Variants in PDE6A observed in about 807,000 individuals in gnomAD.
PDE6A encodes the protein rod cGMP-specific 3',5'-cyclic phosphodiesterase subunit alpha.
A neutral mutation model predicts 106.3 loss-of-function variants in PDE6A; 84 were observed. The ratio of observed to expected loss-of-function variants is 0.79; its 90% CI spans 0.66 to 0.95. The LOEUF (loss-of-function observed/expected upper bound fraction) is 0.95. Ranked by LOEUF, PDE6A falls within the 40% of genes least tolerant of loss-of-function variation. The pLI is 0.00. For missense variants in PDE6A, 1,052 were observed against 1,084.9 expected, an observed-to-expected ratio of 0.97 and a Z score of 0.43; for synonymous variants, 394 against 386.6, an observed-to-expected ratio of 1.02 and a Z score of -0.23.
At chr5:149,869,464 C>T (rs1483182160) in intron 17 of PDE6A, among the ~76,000 whole-genome samples, 1 of 151,784 alleles carries the variant, frequency 6.6e-6, no homozygotes, top group Non-Finnish European at 1.5e-5. Flanking sequence ...GTGGGTACAA[C>T]AGAAAATAGA....
At chr5:149,910,772 T>C (rs1022705254) in intron 6 of PDE6A, among the ~76,000 whole-genome samples, 3 of 151,412 alleles carry the variant, frequency 2.0e-5, no homozygotes, top group Admixed American at 6.6e-5. Context: ...TGAAGTCACC[T>C]ACATCAAAGT....
intron 1 of PDE6A, chr5:149,939,925 C>T (rs1249169069): frequency 6.8e-6 from 1 of 147,662 alleles, no homozygotes; most frequent in Admixed American, 6.7e-5. Context: ...CTGGCTGAAC[C>T]AACTAGTTAA....
chr5:149,867,525 G>C, intron 19 of PDE6A, 200 bp downstream of exon 19: 1 of 650,684 alleles, frequency 1.5e-6, no homozygotes, highest in South Asian at 1.7e-5. Flanking sequence ...CTAGGGTGAG[G>C]CTTGTGAATA....
At chr5:149,871,196 G>A (rs1317745036) in intron 17 of PDE6A, among the ~76,000 whole-genome samples, 3 of 152,304 alleles carry the variant, frequency 2.0e-5, no homozygotes, top group East Asian at 1.9e-4. Flanking sequence ...AGCCCCCATC[G>A]TGGGGTCATG....
At chr5:149,935,585 A>G (rs2113662623) in intron 1 of PDE6A, among the ~76,000 whole-genome samples, 1 of 152,316 alleles carries the variant, frequency 6.6e-6, no homozygotes, top group South Asian at 2.1e-4. Flanking sequence ...TGAAGCTCTG[A>G]GTGTATAGAG....
chr5:149,873,409 A>G (rs1561688365), intron 17 of PDE6A, among the ~76,000 whole-genome samples: 1 of 147,676 alleles, frequency 6.8e-6, no homozygotes, highest in Non-Finnish European at 1.5e-5. Flanking sequence ...TAGGCTCACT[A>G]CCTCCTCTAC....
intron 6 of PDE6A, among the ~76,000 whole-genome samples, chr5:149,909,435 A>G (rs553082352): frequency 7.1e-4 from 108 of 151,998 alleles, no homozygotes; most frequent in African/African-American, 2.4e-3. Flanking sequence ...GCTCTACGAG[A>G]CTCTTTTTTA....
At chr5:149,871,426 G>A (rs1448909958) in intron 17 of PDE6A, among the ~76,000 whole-genome samples, 1 of 152,176 alleles carries the variant, frequency 6.6e-6, no homozygotes, top group African/African-American at 2.4e-5. Flanking sequence ...ACTGAGGTCT[G>A]GGAGGTCAGG....
At chr5:149,867,385 A>C in intron 19 of PDE6A, 1 of 418,718 alleles carries the variant, frequency 2.4e-6, no homozygotes, top group Non-Finnish European at 4.5e-6. Context: ...GGGCAATCTA[A>C]GTGTTGGAGT....
intron 3 of PDE6A, among the ~76,000 whole-genome samples, chr5:149,933,243 TG>T (rs1429638624): frequency 6.6e-6 from 1 of 152,170 alleles, no homozygotes; most frequent in Non-Finnish European, 1.5e-5. Flanking sequence ...GCTGGGATTA[TG>T]GGCATGAGCC....
Position 149,869,726 on chromosome 5 carries a change from A to G in PDE6A, c.2136-1568T>C, listed in dbSNP as rs73267794. Among the ~76,000 whole-genome samples, 594 of 152,270 alleles carry G rather than the reference A, an allele frequency of 3.9e-3. 3 individuals are homozygous for G. The highest frequency in any genetic ancestry group is 0.013 in the African/African-American group (559 of 41,562). ...GCAGGACTAGTAGGATGGAGAAGGA[A>G]GAAAAGAGCAGGATGGAGGGGGATG... On this transcript the variant is annotated intron_variant, in intron 17 of 21. Transcript: ENST00000255266.
At chr5:149,909,728 T>C (rs1413074080) in intron 6 of PDE6A, among the ~76,000 whole-genome samples, 1 of 152,242 alleles carries the variant, frequency 6.6e-6, no homozygotes, top group African/African-American at 2.4e-5. Context: ...TTTCACTGCA[T>C]CACACAGGTT....
At chr5:149,877,559 A>C (rs1561695634) in intron 17 of PDE6A, among the ~76,000 whole-genome samples, 2 of 152,024 alleles carry the variant, frequency 1.3e-5, no homozygotes, top group Non-Finnish European at 2.9e-5. Flanking sequence ...ACAGGCACGC[A>C]CCACAATGCC....
chr5:149,895,646 A>G (rs1405121771), intron 12 of PDE6A, among the ~76,000 whole-genome samples: 1 of 151,706 alleles, frequency 6.6e-6, no homozygotes, highest in Non-Finnish European at 1.5e-5. Context: ...AAAAAAAAAC[A>G]AAAACAAAAG....
In PDE6A at chr5:149,921,648, G is replaced by A; in HGVS notation, c.920C>T (p.Thr307Ile). The change falls in exon 5 of 22, where the codon ACT (threonine) becomes ATT (isoleucine). Residue 307 changes from threonine to isoleucine, a missense_variant. By Grantham distance (89) the Thr-to-Ile change is moderately conservative. Around this residue, in one of 3 missense-constraint regions of PDE6A, gnomAD observed 913 missense variants for 915.2 expected, o/e 1.00. Coordinates refer to ENST00000255266, the MANE Select transcript of PDE6A (RefSeq NM_000440.3). ...GAGAGAACGTACTCTTCCATCCGGA[G>A]TCCTGGGACCAGAGTAAGGTGGAAC... ...GEVPPYSGPR[T>I]PDGREINFYK... 6.8e-6 allele frequency: 11 copies of A among 1,613,282 alleles called. No homozygotes were observed. Among genetic ancestry groups the A allele is most frequent in the Non-Finnish European group, 9.3e-6 (11 of 1,179,254 alleles).
chr5:149,923,422 C>T (rs959349730), intron 4 of PDE6A, among the ~76,000 whole-genome samples: 11 of 152,052 alleles, frequency 7.2e-5, no homozygotes, highest in Admixed American at 2.6e-4. Flanking sequence ...CACTTGAACC[C>T]GGGAGGGGGA....
chr5:149,914,979 T>C lies in PDE6A; in HGVS notation c.962A>G (p.Tyr321Cys). ...GATGTCCTCTTTGCCATGCAGGATG[T>C]AGTCAATGACCTTGTAAAAGTTAAT... ...REINFYKVID[Y>C]ILHGKEDIKV... Residue 321 changes from tyrosine to cysteine, a missense_variant, in exon 6 of 22, where the codon TAC becomes TGC. Tyr to Cys is a radical substitution (Grantham distance 194, BLOSUM62 -2). Transcript: ENST00000255266. The C allele has an allele frequency of 6.2e-7, 1 of 1,610,368 alleles. No homozygotes were observed. The highest frequency in any genetic ancestry group is 8.5e-7 in the Non-Finnish European group (1 of 1,176,852).
chr5:149,923,503 AATAACATAACATAACATAAC>A (rs70973555), intron 4 of PDE6A, among the ~76,000 whole-genome samples: 38,844 of 136,988 alleles, frequency 0.28, 6,046 homozygotes, highest in Non-Finnish European at 0.33. Context: ...GTCTCAAATA[AATAACATAACATAACATAAC>A]ATAACATAAC....
chr5:149,921,935 C>T (rs1753735335), intron 4 of PDE6A, among the ~76,000 whole-genome samples: 2 of 152,112 alleles, frequency 1.3e-5, no homozygotes, highest in African/African-American at 4.8e-5. Flanking sequence ...TAGCCAAAAA[C>T]ATGGGAGCTG....
Sources: gnomAD v4.1 joint callset for allele counts (sites outside exome capture counted in the v4.1 genomes callset) on GRCh38, gnomAD v4.1.1 for gene constraint, gnomAD v4.1.1 regional missense constraint, MANE v1.5 for transcripts, NCBI Gene and HGNC (gene_info 2026-07-23, HGNC 2026-07-21) for gene names.